The following LY6G5C variants were observed in gnomAD, a reference collection of about 807,000 sequenced individuals.
LY6G5C encodes the protein lymphocyte antigen 6 complex locus protein G5c.
LY6G5C carries 6 observed loss-of-function variants against 10.5 expected under a neutral mutation model. The ratio of observed to expected loss-of-function variants is 0.57; its 90% CI spans 0.31 to 1.12. The LOEUF (loss-of-function observed/expected upper bound fraction) is 1.12. Ranked by LOEUF, LY6G5C falls within the 50% of genes most tolerant of loss-of-function variation. LY6G5C has a pLI of 0.05. For synonymous variants in LY6G5C, 69 were observed against 67.8 expected (o/e 1.02, Z -0.09); for missense variants, 160 against 185.5 (o/e 0.86, Z 0.80).
rs1802764969 is a variant in LY6G5C at position 31,679,465 on chromosome 6, A to G, written c.122-197T>C. On this transcript the variant is annotated intron_variant, in intron 1 of 2. Coordinates refer to ENST00000383237, the Ensembl canonical transcript of LY6G5C. The surrounding 1 kb of genome is among the most constrained non-coding windows in gnomAD (Gnocchi z 4.4). ...TTTCCTCTGGTCCTAAGGCCAGACC[A>G]CATGTTAACAAATCCCCAGACCCAG... 1 of 616,340 alleles carries G rather than the reference A, an allele frequency of 1.6e-6. No homozygotes were observed. Among genetic ancestry groups the G allele is most frequent in the Admixed American group, 2.8e-5 (1 of 35,224 alleles). The allele number at this position is 616,340 out of a possible 1,614,324, so 38.2% of individuals were successfully genotyped here.
At chr6:31,678,980 A>AT in intron 2 of LY6G5C, 121 bp downstream of exon 2, 3 of 1,134,076 alleles carry the variant, frequency 2.6e-6, no homozygotes, top group Non-Finnish European at 3.8e-6. Flanking sequence ...AAAAAAAAAA[A>AT]GACAGGATTG....
Position 31,679,245 on chromosome 6 carries a change from C to T in LY6G5C, c.145G>A (p.Glu49Lys). The T allele has an allele frequency of 6.2e-7, 1 of 1,612,898 alleles. No individual in the cohort carries two copies. Among genetic ancestry groups the T allele is most frequent in the South Asian group, 1.1e-5 (1 of 91,080 alleles). Residue 49 changes from glutamate (E) to lysine (K), a missense_variant, in exon 2 of 3, where the codon GAA becomes AAA. Transcript: ENST00000383237. This position sits in a 1 kb window ranked among gnomAD's most constrained non-coding sequence, Gnocchi z 4.4. The stretch of plus-strand genomic sequence containing the variant: ...GGGAATGGAAGTGGTTGAGGGGGTT[C>T]CCAATTGACAGGAACAAACTTACCT...
At chr6:31,677,454 T>C (rs1360558615) in intron 2 of LY6G5C, among the ~76,000 whole-genome samples, 4 of 152,200 alleles carry the variant, frequency 2.6e-5, no homozygotes, top group African/African-American at 9.7e-5. Context: ...TTGTTATTTA[T>C]TTTTCAGACC....
Position 31,679,220 on chromosome 6 carries a change from G to A in LY6G5C, c.170C>T (p.Pro57Leu). ...GCATCGGTAGCAGCGCAGGTATTTG[G>A]GGAATGGAAGTGGTTGAGGGGGTTC... The change falls in exon 2 of 3, where the codon CCC becomes CTC. Residue 57 changes from proline (P) to leucine (L), a missense_variant. Transcript: ENST00000383237. This position sits in a 1 kb window ranked among gnomAD's most constrained non-coding sequence, Gnocchi z 4.4. The A allele has an allele frequency of 6.2e-7, 1 of 1,612,952 alleles. No homozygotes were observed. The highest frequency in any genetic ancestry group is 8.5e-7 in the Non-Finnish European group (1 of 1,179,986).
chr6:31,679,982 G>C lies in LY6G5C; in HGVS notation c.121+271C>G. On this transcript the variant is annotated intron_variant, in intron 1 of 2. Coordinates refer to ENST00000383237, the Ensembl canonical transcript of LY6G5C. The surrounding 1 kb of genome is among the most constrained non-coding windows in gnomAD (Gnocchi z 4.4). ...GAATCGCTTGAACCCGGGAGGTGGA[G>C]GTTGCAGTGAGCCGAGATCTCGCCA... 1 of 320,926 alleles carries C rather than the reference G, an allele frequency of 3.1e-6. No individual in the cohort carries two copies. Among genetic ancestry groups the C allele is most frequent in the South Asian group, 3.7e-5 (1 of 26,946 alleles). 19.9% of individuals were successfully genotyped at this position (320,926 alleles called of 1,614,324 possible).
Position 31,679,354 on chromosome 6 carries a change from A to G in LY6G5C, c.122-86T>C. On this transcript the variant is annotated intron_variant, in intron 1 of 2. Coordinates refer to ENST00000383237, the Ensembl canonical transcript of LY6G5C. The surrounding 1 kb of genome is among the most constrained non-coding windows in gnomAD (Gnocchi z 4.4). ...GCCTGATTCCAGGCCACTCAGCCCCACTCCTCCCTCCCTTCCTGTCTCAGA... is the reference window on the plus strand; with the variant it reads ...GCCTGATTCCAGGCCACTCAGCCCCGCTCCTCCCTCCCTTCCTGTCTCAGA... The G allele has an allele frequency of 7.0e-7, 1 of 1,433,458 alleles. No individual in the cohort carries two copies. Among genetic ancestry groups the G allele is most frequent in the Non-Finnish European group, 9.8e-7 (1 of 1,022,860 alleles). 88.8% of individuals were successfully genotyped at this position (1,433,458 alleles called of 1,614,324 possible).
Position 31,679,586 on chromosome 6 carries a change from G to T in LY6G5C, c.122-318C>A. ...GCTTTGCAGCCAAGTGGGGAGCCCA[G>T]CAGGCTGGACTCAGTCTTGTTCTAT... is the stretch of plus-strand genomic sequence containing the variant. On this transcript the variant is annotated intron_variant, in intron 1 of 2. Transcript: ENST00000383237. This position sits in a 1 kb window ranked among gnomAD's most constrained non-coding sequence, Gnocchi z 4.4. The T allele has an allele frequency of 2.2e-6, 1 of 453,416 alleles. No homozygotes were observed. Among genetic ancestry groups the T allele is most frequent in the Non-Finnish European group, 4.1e-6 (1 of 246,642 alleles). The allele number at this position is 453,416 out of a possible 1,614,324, so 28.1% of individuals were successfully genotyped here.
chr6:31,677,212 GAA>G (rs995665148), intron 2 of LY6G5C, 92 bp from the exon 3 acceptor site: 1 of 1,282,870 alleles, frequency 7.8e-7, no homozygotes, highest in African/African-American at 1.5e-5. Context: ...AAAAAAAAAA[GAA>G]AAAGAAAAGA....
At chr6:31,677,107 G>A (rs200105348) in exon 3 of LY6G5C, 40 of 1,612,564 alleles carry the variant, frequency 2.5e-5, no homozygotes, top group Middle Eastern at 1.7e-4. Context: ...TCACCATGAC[G>A]TCAGAACCGC....
rs1199927920 is a variant in LY6G5C at position 31,679,171 on chromosome 6, C to T, written c.219G>A (p.Gly73=). Residue 73 remains glycine (G), a synonymous_variant, in exon 2 of 3, where the codon GGG becomes GGA. Coordinates refer to ENST00000383237, the Ensembl canonical transcript of LY6G5C. This position sits in a 1 kb window ranked among gnomAD's most constrained non-coding sequence, Gnocchi z 4.4. ...GGCAGATGTCAGATCCCAGAAGGCA[C>T]CCTAACTCCTTGGTCTCCAAGAGGC... 2 of 1,612,954 alleles carry T rather than the reference C, an allele frequency of 1.2e-6. No individual in the cohort carries two copies. Among genetic ancestry groups the T allele is most frequent in the East Asian group, 2.2e-5 (1 of 44,884 alleles).
In LY6G5C at chr6:31,680,038, C is replaced by T; in HGVS notation, c.121+215G>A. 2.0e-6 allele frequency: 1 copy of T among 489,646 alleles called. No homozygotes were observed. The highest frequency in any genetic ancestry group is 3.7e-5 in the East Asian group (1 of 26,840). The allele number at this position is 489,646 out of a possible 1,614,324, so 30.3% of individuals were successfully genotyped here. On this transcript the variant is annotated intron_variant, in intron 1 of 2. Coordinates refer to ENST00000383237, the Ensembl canonical transcript of LY6G5C. The surrounding 1 kb of genome is among the most constrained non-coding windows in gnomAD (Gnocchi z 4.5). ...CTCCGGCCTGGGATACAGAGCGAGA[C>T]TCCATCTCAAAAATAATAATAATAA...
upstream of LY6G5C, chr6:31,680,400 C>A: frequency 6.3e-7 from 1 of 1,597,614 alleles, no homozygotes; most frequent in Non-Finnish European, 8.5e-7. This position sits in a 1 kb window ranked among gnomAD's most constrained non-coding sequence, Gnocchi z 4.5. Flanking sequence ...CCAGTTTGGG[C>A]TTATATTGGT....
At chr6:31,680,824 T>C (rs1802848165), upstream of LY6G5C, among the ~76,000 whole-genome samples, 1 of 152,038 alleles carries the variant, frequency 6.6e-6, no homozygotes, top group African/African-American at 2.4e-5. This position sits in a 1 kb window ranked among gnomAD's most constrained non-coding sequence, Gnocchi z 4.5. Context: ...TGGCTGCACA[T>C]TGCATTTGGG....
At chr6:31,677,169 C>T (rs1802627496) in intron 2 of LY6G5C, 49 bp from the exon 3 acceptor site, 1 of 1,579,140 alleles carries the variant, frequency 6.3e-7, no homozygotes. Context: ...CCAGGAAGAG[C>T]CCCAAATCCT....
exon 3 of LY6G5C, chr6:31,677,085 T>C (rs1467200938): frequency 6.2e-7 from 1 of 1,612,820 alleles, no homozygotes; most frequent in African/African-American, 1.3e-5. Context: ...TGCTCCTTAC[T>C]TCGGCAGTCA....
upstream of LY6G5C, among the ~76,000 whole-genome samples, chr6:31,680,623 A>G (rs1455333958): frequency 6.6e-6 from 1 of 152,218 alleles, no homozygotes; most frequent in Admixed American, 6.5e-5. This position sits in a 1 kb window ranked among gnomAD's most constrained non-coding sequence, Gnocchi z 4.5. Flanking sequence ...ACTGCATCAG[A>G]TGCTGGGGAT....
Position 31,679,345 on chromosome 6 carries a change from C to A in LY6G5C, c.122-77G>T. On this transcript the variant is annotated intron_variant, in intron 1 of 2. Transcript: ENST00000383237. This position sits in a 1 kb window ranked among gnomAD's most constrained non-coding sequence, Gnocchi z 4.4. ...CCTACCACTGCCTGATTCCAGGCCA[C>A]TCAGCCCCACTCCTCCCTCCCTTCC... 6.8e-7 allele frequency: 1 copy of A among 1,466,444 alleles called. No homozygotes were observed. The allele number at this position is 1,466,444 out of a possible 1,614,324, so 90.8% of individuals were successfully genotyped here. A position where few individuals can be genotyped will look rare whatever the true frequency, so the allele number is the denominator to read the frequency against.
chr6:31,676,959 AAGG>A, exon 3 of LY6G5C: 1 of 1,612,496 alleles, frequency 6.2e-7, no homozygotes, highest in Non-Finnish European at 8.5e-7. Context: ...CAGTCACACT[AAGG>A]AGTATAGAGC....
chr6:31,680,818 T>C (rs1304991281), upstream of LY6G5C, among the ~76,000 whole-genome samples: 1 of 152,144 alleles, frequency 6.6e-6, no homozygotes, highest in African/African-American at 2.4e-5. The surrounding 1 kb of genome is among the most constrained non-coding windows in gnomAD (Gnocchi z 4.5). Flanking sequence ...TTGCCATGGC[T>C]GCACATTGCA....
Sources: gnomAD v4.1 joint callset for allele counts (sites outside exome capture counted in the v4.1 genomes callset) on GRCh38, gnomAD v4.1.1 for gene constraint, Gnocchi (gnomAD v3.1) non-coding constraint, MANE v1.5 for transcripts, NCBI Gene and HGNC (gene_info 2026-07-23, HGNC 2026-07-21) for gene names.